The following HS3ST4 variants were observed in gnomAD, a reference collection of about 807,000 sequenced individuals.
The protein encoded by HS3ST4 is heparan sulfate-glucosamine 3-sulfotransferase 4, also known as heparan sulfate glucosamine 3-O-sulfotransferase 4.
In HS3ST4, 17 loss-of-function variants were observed where a neutral mutation model predicts 29.2. The observed-to-expected ratio is 0.58, with a 90% CI of 0.40 to 0.87. The LOEUF (loss-of-function observed/expected upper bound fraction) is 0.87. HS3ST4 is among the 40% of genes least tolerant of loss of function. The pLI is 0.00. For missense variants in HS3ST4, 627 were observed against 634.5 expected, an observed-to-expected ratio of 0.99 and a Z score of 0.13; for synonymous variants, 314 against 285.7, an observed-to-expected ratio of 1.10 and a Z score of -1.00.
At chr16:25,861,923 A>G (rs994948525) in intron 1 of HS3ST4, among the ~76,000 whole-genome samples, 3 of 152,090 alleles carry the variant, frequency 2.0e-5, no homozygotes, top group African/African-American at 4.8e-5. Flanking sequence ...GGGCATAGCT[A>G]TAGTTTGTTC....
chr16:25,905,845 T>C (rs1968174117), intron 1 of HS3ST4, among the ~76,000 whole-genome samples: 3 of 152,152 alleles, frequency 2.0e-5, no homozygotes, highest in Admixed American at 2.0e-4. Context: ...GGGTGACAGC[T>C]CCAGAGGCTT....
At chr16:26,012,296 T>C (rs1010415678) in intron 1 of HS3ST4, among the ~76,000 whole-genome samples, 2 of 152,200 alleles carry the variant, frequency 1.3e-5, no homozygotes, top group African/African-American at 4.8e-5. Flanking sequence ...GGGGAAATTA[T>C]ATGCAATAAT....
At chr16:25,884,700 G>C (rs1023529886) in intron 1 of HS3ST4, among the ~76,000 whole-genome samples, 1 of 152,046 alleles carries the variant, frequency 6.6e-6, no homozygotes, top group African/African-American at 2.4e-5. Context: ...CGAGTAGTGG[G>C]GATTACAGGC....
At chr16:25,738,962 T>C (rs559832078) in intron 1 of HS3ST4, among the ~76,000 whole-genome samples, 20 of 152,238 alleles carry the variant, frequency 1.3e-4, no homozygotes, top group Non-Finnish European at 2.6e-4. Context: ...CCATGTAGTT[T>C]AATACCCTTC....
At chr16:26,079,798 G>C (rs1371348401) in intron 1 of HS3ST4, among the ~76,000 whole-genome samples, 1 of 152,166 alleles carries the variant, frequency 6.6e-6, no homozygotes, top group Admixed American at 6.5e-5. Context: ...CTCTGTTCTC[G>C]ACTCTATTTC....
intron 1 of HS3ST4, among the ~76,000 whole-genome samples, chr16:25,746,799 C>T (rs1349878099): frequency 1.3e-5 from 2 of 152,090 alleles, no homozygotes; most frequent in Non-Finnish European, 2.9e-5. Context: ...GATCTGCCCA[C>T]CTTGGCCTCC....
At chr16:25,777,236 C>T (rs989926491) in intron 1 of HS3ST4, among the ~76,000 whole-genome samples, 1 of 152,202 alleles carries the variant, frequency 6.6e-6, no homozygotes, top group African/African-American at 2.4e-5. Context: ...CCTCCTTATG[C>T]ATTTTGTTTG....
chr16:25,856,915 A>G (rs1967578918), intron 1 of HS3ST4, among the ~76,000 whole-genome samples: 1 of 152,160 alleles, frequency 6.6e-6, no homozygotes, highest in Admixed American at 6.5e-5. Flanking sequence ...AGGGGTGGTC[A>G]TGGGAACTCC....
intron 1 of HS3ST4, among the ~76,000 whole-genome samples, chr16:25,747,461 A>C (rs1049942492): frequency 2.0e-5 from 3 of 152,234 alleles, no homozygotes; most frequent in African/African-American, 7.2e-5. Context: ...CAGAACTCGC[A>C]ACCTGTGGTG....
At chr16:25,969,728 G>T (rs1318162157) in intron 1 of HS3ST4, among the ~76,000 whole-genome samples, 2 of 152,132 alleles carry the variant, frequency 1.3e-5, no homozygotes, top group African/African-American at 4.8e-5. Context: ...TGGCAGTTTT[G>T]TGCCCCTTTT....
intron 1 of HS3ST4, among the ~76,000 whole-genome samples, chr16:25,839,921 C>T (rs561447599): frequency 6.6e-6 from 1 of 152,292 alleles, no homozygotes; most frequent in South Asian, 2.1e-4. Flanking sequence ...GGTTAACACT[C>T]CTGGTCAAAA....
intron 1 of HS3ST4, among the ~76,000 whole-genome samples, chr16:25,794,971 T>C (rs1168328834): frequency 1.4e-5 from 2 of 147,262 alleles, no homozygotes; most frequent in African/African-American, 2.4e-5. Context: ...TTTTTTTCTT[T>C]ACTTTTTTTT....
chr16:25,875,475 A>G (rs942198356), intron 1 of HS3ST4, among the ~76,000 whole-genome samples: 3 of 152,132 alleles, frequency 2.0e-5, no homozygotes, highest in Non-Finnish European at 4.4e-5. Flanking sequence ...ATGCACCTAC[A>G]TTCCCTGTGT....
At chr16:25,917,798 A>C (rs1347719848) in intron 1 of HS3ST4, among the ~76,000 whole-genome samples, 1 of 152,220 alleles carries the variant, frequency 6.6e-6, no homozygotes, top group Non-Finnish European at 1.5e-5. Flanking sequence ...GACTTTCTGT[A>C]ATCTGCAACT....
intron 1 of HS3ST4, among the ~76,000 whole-genome samples, chr16:26,101,359 G>C (rs1245239166): frequency 6.6e-6 from 1 of 152,150 alleles, no homozygotes; most frequent in Non-Finnish European, 1.5e-5. Context: ...CTACTCCCTT[G>C]CTAAAGGCTA....
chr16:25,924,576 C>T (rs1968384773), intron 1 of HS3ST4, among the ~76,000 whole-genome samples: 1 of 152,168 alleles, frequency 6.6e-6, no homozygotes, highest in African/African-American at 2.4e-5. Context: ...CATGTTTTAA[C>T]CCATTTTCAT....
At chr16:25,953,933 G>A (rs1196164018) in intron 1 of HS3ST4, among the ~76,000 whole-genome samples, 6 of 152,120 alleles carry the variant, frequency 3.9e-5, no homozygotes, top group East Asian at 1.9e-4. Flanking sequence ...GTGCTCCTGC[G>A]GGTGCTACCT....
At chr16:25,886,318 C>T (rs965666424) in intron 1 of HS3ST4, among the ~76,000 whole-genome samples, 5 of 152,104 alleles carry the variant, frequency 3.3e-5, no homozygotes, top group Admixed American at 6.6e-5. Flanking sequence ...GAGTAGTGAG[C>T]CACCATGTCC....
At chr16:25,887,133 G>A (rs1256482172) in intron 1 of HS3ST4, among the ~76,000 whole-genome samples, 4 of 152,096 alleles carry the variant, frequency 2.6e-5, no homozygotes, top group African/African-American at 4.8e-5. Context: ...CCTGGGGGTG[G>A]GGGAGAAAAG....
Sources: gnomAD v4.1 joint callset for allele counts (sites outside exome capture counted in the v4.1 genomes callset) on GRCh38, gnomAD v4.1.1 for gene constraint, MANE v1.5 for transcripts, NCBI Gene and HGNC (gene_info 2026-07-23, HGNC 2026-07-21) for gene names.